NKD2: variants seen among roughly 807,000 people sequenced by gnomAD.
The protein encoded by NKD2 is protein naked cuticle homolog 2.
A neutral mutation model predicts 34.8 loss-of-function variants in NKD2; 43 were observed. The ratio of observed to expected loss-of-function variants is 1.24; its 90% CI spans 0.97 to 1.60. The LOEUF is 1.60. Among genes scored for constraint, NKD2 ranks in the 40% most tolerant of loss-of-function variants. NKD2 has a pLI of 0.00. For synonymous variants in NKD2, 278 were observed against 265.1 expected (o/e 1.05, Z -0.47); for missense variants, 675 against 627.1 (o/e 1.08, Z -0.82).
At position 1,033,418 on chromosome 5, in the gene NKD2, ACTC is replaced by A. The variant is rs756703095; in HGVS notation, c.253_255del (p.Leu85del). The A allele has an allele frequency of 2.6e-5, 42 of 1,592,874 alleles. No individual in the cohort carries two copies. Among genetic ancestry groups the A allele is most frequent in the East Asian group, 2.5e-4 (11 of 43,430 alleles). ...CTGAGGGCCGCGAGCACCCGGGACA[ACTC>A]CTCAGCGCAGATGACGGAGAGAGGG... On this transcript the variant is annotated inframe_deletion, in exon 5 of 10. Coordinates refer to ENST00000296849, the MANE Select transcript of NKD2 (RefSeq NM_033120.4).
intron 3 of NKD2, among the ~76,000 whole-genome samples, chr5:1,029,538 T>C (rs1756556410): frequency 6.6e-6 from 1 of 152,190 alleles, no homozygotes; most frequent in South Asian, 2.1e-4. Context: ...CTCCTGTCTG[T>C]AACCAGTGAA....
At chr5:1,036,791 TGTGGACAACA>T (rs1299422999) in intron 9 of NKD2, 8 of 462,158 alleles carry the variant, frequency 1.7e-5, no homozygotes, top group Admixed American at 7.1e-5. Flanking sequence ...TGGCCGGCAG[TGTGGACAACA>T]GGCAGTGTGG....
intron 3 of NKD2, among the ~76,000 whole-genome samples, chr5:1,028,822 G>T (rs1312901922): frequency 6.6e-6 from 1 of 152,024 alleles, no homozygotes; most frequent in Non-Finnish European, 1.5e-5. Context: ...TGAGGGTAGG[G>T]TGGGTCCTCA....
intron 3 of NKD2, among the ~76,000 whole-genome samples, chr5:1,023,539 T>C (rs71593382): frequency 6.5e-4 from 2 of 3,062 alleles, no homozygotes; most frequent in African/African-American, 6.9e-4. Context: ...TGTGGGCGTC[T>C]CAGCCCGTTG....
At chr5:1,027,220 A>T (rs1284578069) in intron 3 of NKD2, among the ~76,000 whole-genome samples, 2 of 152,180 alleles carry the variant, frequency 1.3e-5, no homozygotes, top group African/African-American at 4.8e-5. Context: ...CGTCCCCACC[A>T]CAGTGCAAGG....
intron 3 of NKD2, among the ~76,000 whole-genome samples, chr5:1,015,698 C>T (rs548898155): frequency 7.5e-4 from 114 of 152,336 alleles, no homozygotes; most frequent in African/African-American, 2.6e-3. Context: ...CACATGCTGC[C>T]GCCAGCATTT....
At chr5:1,011,217 C>T (rs974474145) in intron 3 of NKD2, among the ~76,000 whole-genome samples, 1 of 152,216 alleles carries the variant, frequency 6.6e-6, no homozygotes, top group East Asian at 1.9e-4. Context: ...TACATTTCAG[C>T]TTTCAGACAA....
In NKD2 at chr5:1,035,423, A is replaced by G; in HGVS notation, c.609A>G (p.Glu203=). The change falls in exon 8 of 10, where the codon GAA becomes GAG. Residue 203 remains glutamate (E), a synonymous_variant. Coordinates refer to ENST00000296849, the MANE Select transcript of NKD2 (RefSeq NM_033120.4). ...CCACCCGTTGCAGGATGGAGGGTGA[A>G]CTGGCAGAGGAGCCAAGGGTGGCTG... ...REPTRCRMEG[E]LAEEPRVADR... is the part of the protein sequence containing the mutation. The G allele has an allele frequency of 6.4e-7, 1 of 1,559,700 alleles. No homozygotes were observed. The highest frequency in any genetic ancestry group is 8.7e-7 in the Non-Finnish European group (1 of 1,151,716).
At chr5:1,017,984 G>GACA (rs1756025719) in intron 3 of NKD2, among the ~76,000 whole-genome samples, 1 of 152,094 alleles carries the variant, frequency 6.6e-6, no homozygotes, top group Admixed American at 6.5e-5. Flanking sequence ...TGGGTGTCAG[G>GACA]ACAGTGTGTG....
intron 8 of NKD2, 41 bp downstream of exon 8, chr5:1,035,514 G>A (rs1236358949): frequency 6.8e-7 from 1 of 1,475,262 alleles, no homozygotes; most frequent in African/African-American, 1.4e-5. Flanking sequence ...GCCTTAGGCG[G>A]GGGCACCCTG....
chr5:1,027,849 C>T (rs1028445486), intron 3 of NKD2, among the ~76,000 whole-genome samples: 2 of 152,216 alleles, frequency 1.3e-5, no homozygotes, highest in African/African-American at 4.8e-5. Context: ...TCGCCCGCTC[C>T]AGGTGGCTCC....
chr5:1,025,957 T>C, intron 3 of NKD2, among the ~76,000 whole-genome samples: 1 of 113,144 alleles, frequency 8.8e-6, no homozygotes, highest in Non-Finnish European at 1.8e-5. Flanking sequence ...GCTGTGGGCG[T>C]CTCAGCCCAT....
chr5:1,021,989 C>T (rs1462406732), intron 3 of NKD2, among the ~76,000 whole-genome samples: 1 of 152,212 alleles, frequency 6.6e-6, no homozygotes, highest in Non-Finnish European at 1.5e-5. Flanking sequence ...GGCCTCCTTC[C>T]CTGTTTCCTG....
rs1560980309 is a variant in NKD2 at position 1,009,604 on chromosome 5, CG to C, written c.141+49del. On this transcript the variant is annotated intron_variant, in intron 3 of 9. Coordinates refer to ENST00000296849, the MANE Select transcript of NKD2 (RefSeq NM_033120.4). The surrounding 1 kb of genome is among the most constrained non-coding windows in gnomAD (Gnocchi z 6.9). The stretch of plus-strand genomic sequence containing the variant: ...GCTGGGGTCGCGCTGCGCACCCGCC[CG>C]GGGGCGGGGAGCGGTGTCAGAGCTG... The C allele has an allele frequency of 2.9e-6, 4 of 1,378,582 alleles. No individual in the cohort carries two copies. The highest frequency in any genetic ancestry group is 3.6e-5 in the Admixed American group (1 of 27,890). 85.4% of individuals were successfully genotyped at this position (1,378,582 alleles called of 1,614,324 possible).
intron 3 of NKD2, among the ~76,000 whole-genome samples, chr5:1,026,914 C>G (rs1301766520): frequency 1.3e-5 from 2 of 152,250 alleles, no homozygotes; most frequent in Non-Finnish European, 2.9e-5. Flanking sequence ...ACTTGGCATC[C>G]TGCCTGAGCC....
At position 1,009,344 on chromosome 5, in the gene NKD2, C is replaced by T. The variant is rs901517478; in HGVS notation, c.61+130C>T. 1.5e-5 allele frequency: 9 copies of T among 616,230 alleles called. No individual in the cohort carries two copies. The highest frequency in any genetic ancestry group is 2.1e-5 in the Non-Finnish European group (8 of 386,816). The allele number at this position is 616,230 out of a possible 1,614,324, so 38.2% of individuals were successfully genotyped here. On this transcript the variant is annotated intron_variant, in intron 2 of 9. Coordinates refer to ENST00000296849, the MANE Select transcript of NKD2 (RefSeq NM_033120.4). The surrounding 1 kb of genome is among the most constrained non-coding windows in gnomAD (Gnocchi z 6.9). ...ACGGGGCCGCGGGTCTCCAGGAGCG[C>T]GCGGGACCCCCACGCCTGCCCCTGC...
chr5:1,036,194 C>T (rs1002439683), intron 8 of NKD2, 63 bp from the exon 9 acceptor site: 4 of 1,451,550 alleles, frequency 2.8e-6, no homozygotes, highest in Admixed American at 2.6e-5. Flanking sequence ...GTAGGCACCC[C>T]GTCATCAGGG....
intron 7 of NKD2, 67 bp from the exon 8 acceptor site, chr5:1,035,294 ATGAATGAGTGAGTGAGTTAATGAATGAG>A (rs1560999514): frequency 1.6e-5 from 16 of 995,340 alleles, no homozygotes; most frequent in Admixed American, 8.3e-5. Flanking sequence ...TAATGAATGA[ATGAATGAGTGAGTGAGTTAATGAATGAG>A]TGAATGAATG....
intron 3 of NKD2, among the ~76,000 whole-genome samples, chr5:1,014,679 C>T (rs979045849): frequency 8.5e-5 from 13 of 152,222 alleles, no homozygotes; most frequent in African/African-American, 3.1e-4. Flanking sequence ...ACTGTCCTGT[C>T]TAGGCTAGGG....
Sources: gnomAD v4.1 joint callset for allele counts (sites outside exome capture counted in the v4.1 genomes callset) on GRCh38, gnomAD v4.1.1 for gene constraint, Gnocchi (gnomAD v3.1) non-coding constraint, MANE v1.5 for transcripts, NCBI Gene and HGNC (gene_info 2026-07-23, HGNC 2026-07-21) for gene names.